Variants in TENM2 observed in about 807,000 individuals in gnomAD.
TENM2 encodes teneurin transmembrane protein 2, also known as teneurin-2.
Under a neutral mutation model 245.2 loss-of-function variants are expected in TENM2, and 52 were observed. That is an observed-to-expected ratio of 0.21 (90% CI 0.17 to 0.27). TENM2 has a LOEUF of 0.27. TENM2 is among the 10% of genes least tolerant of loss of function. The pLI is 1.00. For synonymous variants in TENM2, 1,363 were observed against 1,438.9 expected (o/e 0.95, Z 1.19); for missense variants, 3,046 against 3,666.8 (o/e 0.83, Z 4.37).
rs199645940 is a variant in TENM2 at position 167,830,257 on chromosome 5, T to G, written c.503-45729T>G. The stretch of plus-strand genomic sequence containing the variant: ...AGAGGCTATTAGAGTGAGATGTGTT[T>G]AATTATTTCTTTCATTTCTTAAGAG... On this transcript the variant is annotated intron_variant, in intron 2 of 28. Coordinates refer to ENST00000518659, the Ensembl canonical transcript of TENM2. 9.2e-5 allele frequency among the ~76,000 whole-genome samples: 14 copies of G among 152,356 alleles called. No homozygotes were observed. The East Asian group carries it at 2.3e-3, about 25-fold the overall frequency.
At chr5:167,775,308 C>G (rs1173826369) in intron 2 of TENM2, among the ~76,000 whole-genome samples, 1 of 152,148 alleles carries the variant, frequency 6.6e-6, no homozygotes, top group Non-Finnish European at 1.5e-5. Context: ...AACCAGTAAG[C>G]AGGAGGAAAC....
chr5:167,504,824 G>A (rs1268454893), intron 2 of TENM2, among the ~76,000 whole-genome samples: 2 of 152,056 alleles, frequency 1.3e-5, no homozygotes, highest in Admixed American at 1.3e-4. Flanking sequence ...AATATCTAGG[G>A]ACCTGTTTTT....
At chr5:167,153,442 G>A in the TENM2 span, among the ~76,000 whole-genome samples, 7 of 151,984 alleles carry the variant, frequency 4.6e-5, no homozygotes, top group Non-Finnish European at 7.4e-5. Context: ...ATCTTCAAAC[G>A]TTGAGTAGAC....
intron 2 of TENM2, among the ~76,000 whole-genome samples, chr5:167,444,321 A>ACAC (rs56033577): frequency 2.6e-5 from 4 of 151,400 alleles, no homozygotes; most frequent in Non-Finnish European, 5.9e-5. Context: ...ACACACACAC[A>ACAC]ATCCTTAATT....
rs184693944 is a variant in TENM2, at chr5:168,197,978, A to G, written c.2901-875A>G. Among the ~76,000 whole-genome samples, 17 of 152,276 alleles carry G rather than the reference A, an allele frequency of 1.1e-4. No homozygotes were observed. The East Asian group carries it at 3.3e-3, about 30-fold the overall frequency. ...CCTAACGTAGTATCGTTATAATTAC[A>G]CTATTTATTGAACATTCTATTAGCC... On this transcript the variant is annotated intron_variant, in intron 15 of 28. Coordinates refer to ENST00000518659, the Ensembl canonical transcript of TENM2.
chr5:167,071,856 C>G, the TENM2 span, among the ~76,000 whole-genome samples: 2 of 151,586 alleles, frequency 1.3e-5, no homozygotes, highest in Non-Finnish European at 2.9e-5. Flanking sequence ...ATTCCATTTT[C>G]CCTATTGAAT....
At chr5:168,236,972 ATATATATATATATATATATATATATAT>A (rs1562318899) in intron 25 of TENM2, among the ~76,000 whole-genome samples, 1 of 3,076 alleles carries the variant, frequency 3.3e-4, no homozygotes, top group Non-Finnish European at 6.4e-4. Flanking sequence ...ATATATATAT[ATATATATATATATATATATATATATAT>A]ATTTTTTTTT....
At chr5:168,199,170 T>A in intron 16 of TENM2, 56 bp downstream of exon 18, 1 of 1,550,948 alleles carries the variant, frequency 6.4e-7, no homozygotes, top group Non-Finnish European at 8.8e-7. Flanking sequence ...GAAAACCAAC[T>A]GGACACTGCC....
intron 4 of TENM2, 67 bp downstream of exon 6, chr5:167,952,889 C>G (rs1780233062): frequency 1.5e-6 from 2 of 1,314,884 alleles, no homozygotes; most frequent in African/African-American, 2.9e-5. Context: ...CCACACAGAG[C>G]CACTGGGTGT....
At chr5:167,957,299 T>C (rs1780636726) in intron 4 of TENM2, among the ~76,000 whole-genome samples, 1 of 152,192 alleles carries the variant, frequency 6.6e-6, no homozygotes, top group South Asian at 2.1e-4. Context: ...TAGTTTGTAT[T>C]TCTGTGGGAT....
intron 7 of TENM2, among the ~76,000 whole-genome samples, chr5:168,063,430 A>G (rs1449838284): frequency 6.6e-6 from 1 of 152,168 alleles, no homozygotes; most frequent in Non-Finnish European, 1.5e-5. Context: ...TTCTTTTCCA[A>G]TAAGAATTGT....
Position 168,244,600 on chromosome 5 carries a change from C to A in TENM2, c.5701C>A (p.Leu1901Met). The A allele has an allele frequency of 1.2e-6, 2 of 1,606,480 alleles. No homozygotes were observed. The highest frequency in any genetic ancestry group is 1.7e-6 in the Non-Finnish European group (2 of 1,174,934). ...CGTGTCATACTTCTTCAATGGGCGCCTGGCTGGGCTTCAGCGTGGGGCCAT... is the reference window on the plus strand; with the variant it reads ...CGTGTCATACTTCTTCAATGGGCGCATGGCTGGGCTTCAGCGTGGGGCCAT... Residue 1901 changes from leucine (L) to methionine (M), a missense_variant, in exon 26 of 29, where the codon CTG becomes ATG. Leu to Met is a conservative substitution (Grantham distance 15). Around this residue, in one of 2 missense-constraint regions of TENM2, gnomAD observed 2,704 missense variants for 3,331.9 expected, o/e 0.81. Transcript: ENST00000518659. The surrounding 1 kb of genome is among the most constrained non-coding windows in gnomAD (Gnocchi z 4.9).
At chr5:167,577,606 C>A (rs772687169) in intron 2 of TENM2, among the ~76,000 whole-genome samples, 6 of 151,948 alleles carry the variant, frequency 3.9e-5, no homozygotes, top group African/African-American at 1.5e-4. Flanking sequence ...TTGTACTTGA[C>A]CCATAGTGGT....
At chr5:167,444,925 A>T (rs537777535) in intron 2 of TENM2, among the ~76,000 whole-genome samples, 23 of 152,150 alleles carry the variant, frequency 1.5e-4, no homozygotes, top group Non-Finnish European at 3.1e-4. Flanking sequence ...TTACACATCA[A>T]AGTGATCACA....
intron 2 of TENM2, among the ~76,000 whole-genome samples, chr5:167,727,104 C>CTTTTTTTTTTTTTTT (rs1227700479): frequency 2.1e-5 from 2 of 96,132 alleles, no homozygotes; most frequent in Non-Finnish European, 3.9e-5. Flanking sequence ...CCATTAATTT[C>CTTTTTTTTTTTTTTT]TTTTTTTTTT....
the TENM2 span, among the ~76,000 whole-genome samples, chr5:167,008,322 A>G: frequency 6.6e-6 from 1 of 152,148 alleles, no homozygotes; most frequent in African/African-American, 2.4e-5. Flanking sequence ...AGGAGTTGAT[A>G]TAGTTTTAAA....
At chr5:167,022,582 C>T in the TENM2 span, among the ~76,000 whole-genome samples, 6 of 152,086 alleles carry the variant, frequency 3.9e-5, no homozygotes, top group Admixed American at 6.6e-5. Flanking sequence ...TCTTTATAAA[C>T]GTGGATTTTA....
intron 7 of TENM2, among the ~76,000 whole-genome samples, chr5:168,076,330 A>G (rs1036106090): frequency 1.3e-5 from 2 of 151,490 alleles, no homozygotes; most frequent in African/African-American, 4.9e-5. Context: ...GGTTCAAGCA[A>G]TTCTCCTGCC....
chr5:167,610,634 A>G (rs1777417168), intron 2 of TENM2, among the ~76,000 whole-genome samples: 1 of 152,232 alleles, frequency 6.6e-6, no homozygotes. Flanking sequence ...TCTTCCAAGT[A>G]CTATAATAAG....
Sources: gnomAD v4.1 joint callset for allele counts (sites outside exome capture counted in the v4.1 genomes callset) on GRCh38, gnomAD v4.1.1 for gene constraint, gnomAD v4.1.1 regional missense constraint, Gnocchi (gnomAD v3.1) non-coding constraint, MANE v1.5 for transcripts, NCBI Gene and HGNC (gene_info 2026-07-23, HGNC 2026-07-21) for gene names.